GALNT13: variants seen among roughly 807,000 people sequenced by gnomAD.
GALNT13 encodes the protein UDP-GalNAc:polypeptide N-acetylgalactosaminyltransferase 13.
GALNT13 carries 28 observed loss-of-function variants against 64.2 expected under a neutral mutation model. The observed-to-expected ratio is 0.44, with a 90% CI of 0.32 to 0.60. GALNT13 has a LOEUF of 0.60. Ranked by LOEUF, GALNT13 falls within the 20% of genes least tolerant of loss-of-function variation. The pLI, the probability that GALNT13 is intolerant of heterozygous loss-of-function variation, is 0.05. For synonymous variants in GALNT13, 214 were observed against 224.6 expected (o/e 0.95, Z 0.42); for missense variants, 577 against 669.8 (o/e 0.86, Z 1.53).
intron 3 of GALNT13, among the ~76,000 whole-genome samples, chr2:154,129,847 T>C (rs538723112): frequency 6.6e-6 from 1 of 152,144 alleles, no homozygotes; most frequent in Non-Finnish European, 1.5e-5. Flanking sequence ...TGAGATCTCC[T>C]GATCATCAAC....
At chr2:153,417,996 A>T in the GALNT13 span, among the ~76,000 whole-genome samples, 5 of 152,220 alleles carry the variant, frequency 3.3e-5, no homozygotes, top group African/African-American at 1.2e-4. Flanking sequence ...TGGGAGAACC[A>T]GCAAGAGAGA....
At chr2:153,575,915 G>A in the GALNT13 span, among the ~76,000 whole-genome samples, 1 of 152,080 alleles carries the variant, frequency 6.6e-6, no homozygotes, top group Non-Finnish European at 1.5e-5. Flanking sequence ...GTAGTACCTG[G>A]GTATTACTTC....
At chr2:154,221,097 A>G (rs1291483811) in intron 4 of GALNT13, among the ~76,000 whole-genome samples, 1 of 152,054 alleles carries the variant, frequency 6.6e-6, no homozygotes, top group Non-Finnish European at 1.5e-5. Flanking sequence ...ATATTAACCA[A>G]TTCTTTCCAC....
chr2:154,073,651 T>C (rs66585157), intron 3 of GALNT13, among the ~76,000 whole-genome samples: 27,800 of 151,860 alleles, frequency 0.18, 4,658 homozygotes, highest in East Asian at 0.74. Context: ...TAAAAATTCA[T>C]TCAAAATGCA....
At chr2:154,399,050 T>G (rs1315924446) in intron 10 of GALNT13, among the ~76,000 whole-genome samples, 1 of 152,186 alleles carries the variant, frequency 6.6e-6, no homozygotes, top group Non-Finnish European at 1.5e-5. Flanking sequence ...TAAGGCTCAC[T>G]TTTTCTTATA....
chr2:153,653,942 A>G, the GALNT13 span, among the ~76,000 whole-genome samples: 1 of 152,186 alleles, frequency 6.6e-6, no homozygotes, highest in Non-Finnish European at 1.5e-5. Flanking sequence ...AAGGATGCTT[A>G]AACATTAAGT....
At chr2:153,335,795 G>A in the GALNT13 span, among the ~76,000 whole-genome samples, 1 of 152,284 alleles carries the variant, frequency 6.6e-6, no homozygotes, top group East Asian at 1.9e-4. Context: ...TGGGGAAAAT[G>A]TCTCAGGGCA....
intron 1 of GALNT13, among the ~76,000 whole-genome samples, chr2:153,886,262 G>A (rs952757074): frequency 8.6e-5 from 13 of 150,732 alleles, no homozygotes; most frequent in African/African-American, 3.2e-4. Flanking sequence ...TGCACAACGT[G>A]CAGGTTTGTT....
At chr2:153,213,643 G>A in the GALNT13 span, among the ~76,000 whole-genome samples, 1 of 152,138 alleles carries the variant, frequency 6.6e-6, no homozygotes, top group East Asian at 1.9e-4. Context: ...GCTTCTTTGG[G>A]AAATCACACA....
At chr2:154,408,051 A>T (rs916431148) in intron 10 of GALNT13, among the ~76,000 whole-genome samples, 1 of 152,104 alleles carries the variant, frequency 6.6e-6, no homozygotes, top group African/African-American at 2.4e-5. Flanking sequence ...TAAAATATGC[A>T]TGTCTATGGT....
At chr2:153,723,388 G>A in the GALNT13 span, among the ~76,000 whole-genome samples, 5 of 148,956 alleles carry the variant, frequency 3.4e-5, no homozygotes, top group Non-Finnish European at 7.4e-5. Flanking sequence ...CTTTGAAAAC[G>A]GGCACAAGAC....
chr2:154,343,013 G>A (rs1037813958), intron 9 of GALNT13, among the ~76,000 whole-genome samples: 1 of 151,762 alleles, frequency 6.6e-6, no homozygotes, highest in Non-Finnish European at 1.5e-5. Flanking sequence ...AATTTGCCAC[G>A]CCCATTTTAG....
At chr2:153,807,988 C>G in the GALNT13 span, among the ~76,000 whole-genome samples, 1 of 152,140 alleles carries the variant, frequency 6.6e-6, no homozygotes, top group Non-Finnish European at 1.5e-5. Context: ...CCACTTTCAA[C>G]TGAATTATCA....
At chr2:153,692,750 T>G in the GALNT13 span, among the ~76,000 whole-genome samples, 1 of 152,184 alleles carries the variant, frequency 6.6e-6, no homozygotes, top group Admixed American at 6.5e-5. Flanking sequence ...AACTTGTCAT[T>G]CCACATATAT....
the GALNT13 span, among the ~76,000 whole-genome samples, chr2:153,129,389 A>G: frequency 2.0e-5 from 3 of 152,176 alleles, no homozygotes; most frequent in Non-Finnish European, 4.4e-5. Flanking sequence ...GAAACAATTC[A>G]TTACTTTTTA....
intron 1 of GALNT13, among the ~76,000 whole-genome samples, chr2:153,889,567 G>A (rs937527350): frequency 1.3e-5 from 2 of 151,948 alleles, no homozygotes; most frequent in Non-Finnish European, 2.9e-5. Context: ...TGTATTATAT[G>A]CACTTGCCAT....
chr2:153,585,245 G>T, the GALNT13 span, among the ~76,000 whole-genome samples: 3 of 152,038 alleles, frequency 2.0e-5, no homozygotes, highest in Non-Finnish European at 4.4e-5. Context: ...AAACCAAATA[G>T]AAATTCTGAG....
At chr2:154,182,043 A>C (rs908115241) in intron 4 of GALNT13, among the ~76,000 whole-genome samples, 1 of 152,168 alleles carries the variant, frequency 6.6e-6, no homozygotes, top group African/African-American at 2.4e-5. Context: ...ATTCTTACCG[A>C]ATATCAAACA....
chr2:154,289,583 A>C (rs1488487493), intron 8 of GALNT13, among the ~76,000 whole-genome samples: 1 of 151,968 alleles, frequency 6.6e-6, no homozygotes, highest in Non-Finnish European at 1.5e-5. Context: ...GGAAAGACCC[A>C]CCCCCATGAT....
Sources: allele counts gnomAD v4.1 joint callset (sites outside exome capture counted in the v4.1 genomes callset), GRCh38; gene constraint gnomAD v4.1.1; transcripts MANE v1.5; gene names NCBI Gene and HGNC (gene_info 2026-07-23, HGNC 2026-07-21).